The following NEK11 variants were observed in gnomAD, a reference collection of about 807,000 sequenced individuals.
The protein encoded by NEK11 is serine/threonine-protein kinase Nek11.
In NEK11, 72 loss-of-function variants were observed where a neutral mutation model predicts 80.7. The ratio of observed to expected loss-of-function variants is 0.89; its 90% confidence interval spans 0.74 to 1.08. The LOEUF is 1.08. Ranked by LOEUF, NEK11 falls within the 50% of genes least tolerant of loss-of-function variation. The probability of loss-of-function intolerance (pLI) is 0.00; values close to 1 mark genes in which losing one functional copy is unlikely to be tolerated. For synonymous variants in NEK11, 251 were observed against 260.7 expected (o/e 0.96, Z 0.36); for missense variants, 764 against 763.6 (o/e 1.00, Z -0.01).
chr3:131,069,589 A>G (rs550926530), intron 3 of NEK11, among the ~76,000 whole-genome samples: 1 of 152,092 alleles, frequency 6.6e-6, no homozygotes, highest in Admixed American at 6.6e-5. Context: ...AATGTCCAAC[A>G]ATGATAGACT....
At chr3:131,149,175 T>C (rs2089108637) in intron 7 of NEK11, among the ~76,000 whole-genome samples, 1 of 152,052 alleles carries the variant, frequency 6.6e-6, no homozygotes, top group Non-Finnish European at 1.5e-5. Context: ...CCCCAGTGTT[T>C]GTTGTTCCCT....
intron 17 of NEK11, among the ~76,000 whole-genome samples, chr3:131,289,868 A>G (rs2096525762): frequency 6.6e-6 from 1 of 152,186 alleles, no homozygotes. Flanking sequence ...TCATGGTGCA[A>G]CACAGCTTGG....
At chr3:131,282,896 A>T (rs1344688) in intron 17 of NEK11, among the ~76,000 whole-genome samples, 31,766 of 152,166 alleles carry the variant, frequency 0.21, 6,543 homozygotes, top group African/African-American at 0.53. Context: ...ACCAGCTCAG[A>T]TTTTGAACTG....
chr3:131,113,317 G>A (rs762394492), intron 5 of NEK11, among the ~76,000 whole-genome samples: 2 of 151,994 alleles, frequency 1.3e-5, no homozygotes, highest in Non-Finnish European at 2.9e-5. Context: ...AATGAGAGAA[G>A]GAAGTTAGAA....
chr3:131,087,107 C>A (rs1467068797), intron 4 of NEK11, among the ~76,000 whole-genome samples: 1 of 152,068 alleles, frequency 6.6e-6, no homozygotes, highest in African/African-American at 2.4e-5. Flanking sequence ...TTCGTTATTT[C>A]ACTGTTACTC....
At chr3:131,182,140 G>GA (rs371262385) in intron 14 of NEK11, among the ~76,000 whole-genome samples, 3,399 of 121,488 alleles carry the variant, frequency 0.028, 111 homozygotes, top group African/African-American at 0.084. Flanking sequence ...CACATCTCCA[G>GA]AAAAAAAAAA....
intron 14 of NEK11, among the ~76,000 whole-genome samples, chr3:131,209,344 TA>T (rs2094540175): frequency 6.6e-6 from 1 of 152,222 alleles, no homozygotes; most frequent in African/African-American, 2.4e-5. Flanking sequence ...CCGTGGTGGA[TA>T]AGCTTTTTTG....
In NEK11 at chr3:131,288,876, A is replaced by G. The variant is rs143767590; in HGVS notation, c.1718+15302A>G. The stretch of plus-strand genomic sequence containing the variant: ...TGTATAGTATAATATATGTTCTTTT[A>G]GGCTTCCTCAAATGCTTTGTGAAAT... On this transcript the variant is annotated intron_variant, in intron 17 of 17. Coordinates refer to ENST00000383366, the MANE Select transcript of NEK11 (RefSeq NM_024800.5). 1.6e-4 allele frequency among the ~76,000 whole-genome samples: 25 copies of G among 152,320 alleles called. No homozygotes were observed. The East Asian group carries it at 4.6e-3, about 28-fold the overall frequency.
chr3:131,326,570 C>T (rs1047674993), intron 17 of NEK11, among the ~76,000 whole-genome samples: 17 of 152,266 alleles, frequency 1.1e-4, no homozygotes, highest in Admixed American at 6.5e-4. Context: ...ATGACATTCT[C>T]GGTCCCACCC....
At chr3:131,116,443 C>T (rs888955274) in intron 5 of NEK11, among the ~76,000 whole-genome samples, 1 of 152,188 alleles carries the variant, frequency 6.6e-6, no homozygotes, top group African/African-American at 2.4e-5. Flanking sequence ...CATACGTGTG[C>T]ATGTGTCTTT....
intron 14 of NEK11, among the ~76,000 whole-genome samples, chr3:131,181,342 G>C (rs778513435): frequency 6.6e-6 from 1 of 152,182 alleles, no homozygotes; most frequent in African/African-American, 2.4e-5. Flanking sequence ...GAAAAGGGAA[G>C]GAAATGTATT....
At chr3:131,059,858 C>G (rs2070482643) in intron 3 of NEK11, among the ~76,000 whole-genome samples, 1 of 152,108 alleles carries the variant, frequency 6.6e-6, no homozygotes, top group African/African-American at 2.4e-5. Context: ...ATCCAGTGAC[C>G]AAGAATGAGG....
intron 14 of NEK11, among the ~76,000 whole-genome samples, chr3:131,212,672 AC>A (rs1174713067): frequency 6.6e-6 from 1 of 152,204 alleles, no homozygotes; most frequent in Non-Finnish European, 1.5e-5. Context: ...GTTTCTTAGT[AC>A]TAGAAGAGGC....
intron 7 of NEK11, among the ~76,000 whole-genome samples, chr3:131,144,775 G>A (rs1429817728): frequency 7.2e-5 from 11 of 152,234 alleles, no homozygotes; most frequent in South Asian, 2.1e-4. Flanking sequence ...TAGCAGGTCC[G>A]TTTCCACAAG....
intron 16 of NEK11, among the ~76,000 whole-genome samples, chr3:131,247,062 G>A (rs568780976): frequency 1.8e-4 from 27 of 152,164 alleles, no homozygotes; most frequent in African/African-American, 6.0e-4. Flanking sequence ...CTTCCACTCT[G>A]TGGGTTGTCT....
intron 7 of NEK11, among the ~76,000 whole-genome samples, chr3:131,146,784 C>T (rs997123359): frequency 1.3e-5 from 2 of 151,822 alleles, no homozygotes; most frequent in East Asian, 1.9e-4. Context: ...GGTTGTAATT[C>T]GCACTTTTCT....
At chr3:131,153,601 G>A (rs2090094846) in intron 9 of NEK11, among the ~76,000 whole-genome samples, 1 of 152,024 alleles carries the variant, frequency 6.6e-6, no homozygotes, top group African/African-American at 2.4e-5. Flanking sequence ...CCACAAAATG[G>A]TCATCCACTT....
chr3:131,243,240 T>A (rs1191000716), intron 15 of NEK11, among the ~76,000 whole-genome samples, 196 bp from the exon 16 acceptor site: 1 of 152,152 alleles, frequency 6.6e-6, no homozygotes, highest in African/African-American at 2.4e-5. Flanking sequence ...GATAGAGCAA[T>A]AAATCTAGAG....
At chr3:131,094,791 T>G (rs2077202729) in intron 4 of NEK11, among the ~76,000 whole-genome samples, 1 of 152,158 alleles carries the variant, frequency 6.6e-6, no homozygotes, top group Non-Finnish European at 1.5e-5. Flanking sequence ...ATCTGAGTGT[T>G]TTATTGTCTT....
Sources: gnomAD v4.1 joint callset for allele counts (sites outside exome capture counted in the v4.1 genomes callset) on GRCh38, gnomAD v4.1.1 for gene constraint, MANE v1.5 for transcripts, NCBI Gene and HGNC (gene_info 2026-07-23, HGNC 2026-07-21) for gene names.